The following MSRA variants were observed in gnomAD, a reference collection of about 807,000 sequenced individuals.
MSRA encodes methionine sulfoxide reductase A, also known as mitochondrial peptide methionine sulfoxide reductase.
MSRA carries 54 observed loss-of-function variants against 31.3 expected under a neutral mutation model. That is an observed-to-expected ratio of 1.73 (90% CI 1.39 to 2.17). The LOEUF (loss-of-function observed/expected upper bound fraction) is 2.17. MSRA is among the 30% of genes most tolerant of loss of function. The pLI, the probability that MSRA is intolerant of heterozygous loss-of-function variation, is 0.00. For missense variants in MSRA, 507 were observed against 300.9 expected, an observed-to-expected ratio of 1.69 and a Z score of -5.07; for synonymous variants, 169 against 116.5, an observed-to-expected ratio of 1.45 and a Z score of -2.90.
chr8:10,357,774 A>G (rs933518514), intron 5 of MSRA, among the ~76,000 whole-genome samples: 2 of 152,262 alleles, frequency 1.3e-5, no homozygotes, highest in Non-Finnish European at 2.9e-5. Context: ...GACACACCAT[A>G]CAATGTGTAG....
chr8:10,231,084 C>A (rs1415621419), intron 2 of MSRA, among the ~76,000 whole-genome samples: 1 of 152,134 alleles, frequency 6.6e-6, no homozygotes, highest in East Asian at 1.9e-4. Flanking sequence ...CCGCACCCAG[C>A]CTGTTCTGTA....
intron 1 of MSRA, among the ~76,000 whole-genome samples, chr8:10,070,081 G>T (rs76348948): frequency 0.01 from 1,535 of 152,302 alleles, 25 homozygotes; most frequent in African/African-American, 0.034. Context: ...GCCAACTTGA[G>T]TCTTGGATCA....
At chr8:10,117,575 C>G (rs1333759690) in intron 1 of MSRA, among the ~76,000 whole-genome samples, 1 of 152,122 alleles carries the variant, frequency 6.6e-6, no homozygotes, top group Admixed American at 6.5e-5. Context: ...GGGAGCATGT[C>G]TTTTACAAAT....
chr8:10,244,989 CA>C, intron 2 of MSRA, 114 bp from the exon 3 acceptor site: 1 of 845,212 alleles, frequency 1.2e-6, no homozygotes, highest in Non-Finnish European at 1.7e-6. Flanking sequence ...TTTTGGTTAT[CA>C]AATGACAGGA....
intron 1 of MSRA, among the ~76,000 whole-genome samples, chr8:10,158,097 C>G (rs534675987): frequency 6.6e-6 from 1 of 152,318 alleles, no homozygotes. Flanking sequence ...ACGGTGTCCT[C>G]ACATGCTGGA....
At chr8:10,135,875 A>AC (rs1357287810) in intron 1 of MSRA, among the ~76,000 whole-genome samples, 2 of 152,196 alleles carry the variant, frequency 1.3e-5, no homozygotes, top group Non-Finnish European at 2.9e-5. Flanking sequence ...CAGAGGCATA[A>AC]CGAACCATGC....
At chr8:10,074,357 C>T (rs1044737554) in intron 1 of MSRA, among the ~76,000 whole-genome samples, 6 of 151,970 alleles carry the variant, frequency 3.9e-5, no homozygotes, top group African/African-American at 1.5e-4. Context: ...GCTGGGATTA[C>T]AGGTGTGAGC....
intron 5 of MSRA, among the ~76,000 whole-genome samples, chr8:10,374,215 G>C (rs1257785730): frequency 1.3e-5 from 2 of 152,196 alleles, no homozygotes; most frequent in Non-Finnish European, 2.9e-5. Context: ...TGAGAAGCAA[G>C]TACAGAAGTA....
chr8:10,242,973 G>C (rs1199221826), intron 2 of MSRA, among the ~76,000 whole-genome samples: 1 of 151,996 alleles, frequency 6.6e-6, no homozygotes. Context: ...CCTCCTCATG[G>C]GGTCATTTCT....
intron 2 of MSRA, among the ~76,000 whole-genome samples, chr8:10,219,070 C>T (rs1441511939): frequency 2.0e-5 from 3 of 152,166 alleles, no homozygotes; most frequent in African/African-American, 7.2e-5. Flanking sequence ...AAAGCAACTC[C>T]AGAGAGGGCC....
At chr8:10,174,809 G>T (rs1035530705) in intron 1 of MSRA, among the ~76,000 whole-genome samples, 1 of 152,228 alleles carries the variant, frequency 6.6e-6, no homozygotes, top group African/African-American at 2.4e-5. Context: ...GCCCTCCGAC[G>T]CTGAGTTTCT....
intron 3 of MSRA, among the ~76,000 whole-genome samples, chr8:10,271,773 C>T (rs1421393389): frequency 6.8e-6 from 1 of 147,830 alleles, no homozygotes; most frequent in Non-Finnish European, 1.5e-5. Flanking sequence ...GGCTGGAGTA[C>T]AGTGGCGCGA....
At chr8:10,234,093 CAGA>C (rs1811730310) in intron 2 of MSRA, among the ~76,000 whole-genome samples, 1 of 151,970 alleles carries the variant, frequency 6.6e-6, no homozygotes, top group Admixed American at 6.6e-5. Context: ...AGAAATATTT[CAGA>C]TATAAAAAGA....
chr8:10,142,039 A>C (rs182193925), intron 1 of MSRA, among the ~76,000 whole-genome samples: 106 of 152,200 alleles, frequency 7.0e-4, no homozygotes, highest in African/African-American at 2.5e-3. Context: ...GCTCACCGCA[A>C]CCTCTGCCTC....
At chr8:10,171,932 A>G (rs1214430232) in intron 1 of MSRA, among the ~76,000 whole-genome samples, 1 of 152,248 alleles carries the variant, frequency 6.6e-6, no homozygotes, top group Non-Finnish European at 1.5e-5. Context: ...AGAATGCACT[A>G]TGTGAAGTCT....
At chr8:10,351,626 A>T (rs971248031) in intron 5 of MSRA, among the ~76,000 whole-genome samples, 3 of 152,248 alleles carry the variant, frequency 2.0e-5, no homozygotes, top group African/African-American at 7.2e-5. Flanking sequence ...TACTTATAAA[A>T]TATCTTTGTA....
At chr8:10,290,510 G>T (rs2129116230) in intron 3 of MSRA, among the ~76,000 whole-genome samples, 1 of 152,254 alleles carries the variant, frequency 6.6e-6, no homozygotes, top group South Asian at 2.1e-4. Flanking sequence ...CCAAGTTCGT[G>T]GTTCCTTTCC....
At chr8:10,204,344 C>T (rs1270296302) in intron 1 of MSRA, among the ~76,000 whole-genome samples, 2 of 152,244 alleles carry the variant, frequency 1.3e-5, no homozygotes, top group Non-Finnish European at 2.9e-5. Flanking sequence ...CACCCACTCA[C>T]CACTCATTGA....
chr8:10,148,449 C>T (rs1236831515), intron 1 of MSRA, among the ~76,000 whole-genome samples: 1 of 151,760 alleles, frequency 6.6e-6, no homozygotes, highest in Non-Finnish European at 1.5e-5. Context: ...GAGTTCCAGC[C>T]CAGCCTGGCC....
Sources: allele counts gnomAD v4.1 joint callset (sites outside exome capture counted in the v4.1 genomes callset), GRCh38; gene constraint gnomAD v4.1.1; transcripts MANE v1.5; gene names NCBI Gene and HGNC (gene_info 2026-07-23, HGNC 2026-07-21).